The following DLG4 variants were observed in gnomAD, a reference collection of about 807,000 sequenced individuals.
The protein encoded by DLG4 is discs large MAGUK scaffold protein 4, also known as disks large homolog 4.
In DLG4, 7 loss-of-function variants were observed where a neutral mutation model predicts 93.8. The observed-to-expected ratio is 0.07, with a 90% CI of 0.04 to 0.14. DLG4 has a LOEUF of 0.14. DLG4 is among the 10% of genes least tolerant of loss of function. The pLI is 1.00. For synonymous variants in DLG4, 341 were observed against 387.6 expected (o/e 0.88, Z 1.41); for missense variants, 545 against 992.9 (o/e 0.55, Z 6.06).
intron 8 of DLG4, among the ~76,000 whole-genome samples, chr17:7,197,329 A>C (rs2069845507): frequency 6.6e-6 from 1 of 152,012 alleles, no homozygotes; most frequent in African/African-American, 2.4e-5. Flanking sequence ...GGGAGCATTA[A>C]TATTACGCTT....
intron 17 of DLG4, 63 bp downstream of exon 17, chr17:7,192,882 G>C: frequency 6.7e-7 from 1 of 1,499,890 alleles, no homozygotes; most frequent in Admixed American, 2.1e-5. Context: ...GAGAAAGCTG[G>C]AGGGAGGCAG....
At chr17:7,215,304 T>C (rs2070862663) in intron 1 of DLG4, among the ~76,000 whole-genome samples, 1 of 152,194 alleles carries the variant, frequency 6.6e-6, no homozygotes, top group South Asian at 2.1e-4. Context: ...TGCTCAACCC[T>C]GGGCTCCATG....
At position 7,196,259 on chromosome 17, in the gene DLG4, G is replaced by A. The variant is rs747653625; in HGVS notation, c.1262C>T (p.Ala421Val). The change falls in exon 11 of 20, where the codon GCG becomes GTG. Residue 421 changes from alanine to valine, a missense_variant. Ala to Val is a moderately conservative substitution (Grantham distance 64, BLOSUM62 0). Transcript: ENST00000399506. The surrounding 1 kb of genome is among the most constrained non-coding windows in gnomAD (Gnocchi z 8.3). ...LMNSSLGSGT[A>V]SLRSNPKRGF... ...CCTTTTGGGGTTGCTCCGCAGGGAC[G>A]CAGTCCCTGAGCCCAGGCTGCTGTT... The A allele has an allele frequency of 2.0e-5, 33 of 1,613,802 alleles. No homozygotes were observed. The highest frequency in any genetic ancestry group is 2.5e-5 in the Non-Finnish European group (30 of 1,179,822).
intron 1 of DLG4, among the ~76,000 whole-genome samples, chr17:7,213,078 CT>C (rs1196640789): frequency 6.3e-4 from 80 of 127,634 alleles, no homozygotes; most frequent in African/African-American, 2.3e-3. Flanking sequence ...TTTTCCTTTT[CT>C]TTTCTTTCTT....
chr17:7,203,216 G>A lies in DLG4; in HGVS notation c.619C>T (p.Gln207Ter). The A allele has an allele frequency of 6.2e-7, 1 of 1,604,702 alleles. No homozygotes were observed. The highest frequency in any genetic ancestry group is 8.5e-7 in the Non-Finnish European group (1 of 1,172,658). The stretch of plus-strand genomic sequence containing the variant: ...ACCGCCAGGATCTTGTCTCCAATCT[G>A]CAACCTCCCATCCTTGTGGGCAGCA... ...GGAAHKDGRL[Q>*]IGDKILAVNS... The change falls in exon 7 of 20, where the codon CAG (glutamine) becomes TAG (stop). Residue 207 changes from glutamine to a stop codon, truncating the protein, a stop_gained. Coordinates refer to ENST00000399506, the MANE Select transcript of DLG4 (RefSeq NM_001321075.3). LOFTEE classifies it high-confidence loss of function. This position sits in a 1 kb window ranked among gnomAD's most constrained non-coding sequence, Gnocchi z 7.2.
rs529648614 is a variant in DLG4, at chr17:7,212,372, A to G, written c.31-4133T>C. Among the ~76,000 whole-genome samples, 8 of 152,344 alleles carry G rather than the reference A, an allele frequency of 5.3e-5. No individual in the cohort carries two copies. In the South Asian group the frequency reaches 1.7e-3, roughly 32 times the overall value. ...TTGGCCCCCCAAATTAATATATGCT[A>G]AATCATCCCTTTCTATATCACATCT... On this transcript the variant is annotated intron_variant, in intron 1 of 19. Transcript: ENST00000399506.
Position 7,193,721 on chromosome 17 carries a change from G to C in DLG4, c.1544-7C>G. ...AGAACCGAGTCTTCTCGACCTGGTG[G>C]GAGGTGGGGCATCTGCAAGGGGCTC... is the stretch of plus-strand genomic sequence containing the variant. On this transcript the variant is annotated splice_region_variant and splice_polypyrimidine_tract_variant and intron_variant, in intron 14 of 19. Transcript: ENST00000399506. This position sits in a 1 kb window ranked among gnomAD's most constrained non-coding sequence, Gnocchi z 6.7. The C allele has an allele frequency of 6.3e-7, 1 of 1,589,534 alleles. No individual in the cohort carries two copies. The highest frequency in any genetic ancestry group is 8.6e-7 in the Non-Finnish European group (1 of 1,167,042).
rs2069373916 is a variant in DLG4, at chr17:7,189,160, ATAT to A, written c.*1545_*1547del. Among the ~76,000 whole-genome samples the A allele has an allele frequency of 6.7e-6, 1 of 150,138 alleles. No individual in the cohort carries two copies. Among genetic ancestry groups the A allele is most frequent in the Non-Finnish European group, 1.5e-5 (1 of 67,724 alleles). On this transcript the variant is annotated 3_prime_UTR_variant, in exon 20 of 20. Transcript: ENST00000399506. The stretch of plus-strand genomic sequence containing the variant: ...GGGGGCGCATAAAGAAACCTAGCGT[ATAT>A]TCACACAGCAGTTCTTATCAGCAGA...
In DLG4 at chr17:7,191,375, A is replaced by G. The variant is rs751898203; in HGVS notation, c.1977-17T>C. On this transcript the variant is annotated splice_polypyrimidine_tract_variant and intron_variant, in intron 18 of 19. Coordinates refer to ENST00000399506, the MANE Select transcript of DLG4 (RefSeq NM_001321075.3). The surrounding 1 kb of genome is among the most constrained non-coding windows in gnomAD (Gnocchi z 6.6). ...TTAATCTCTCTGTGAAGAGGGAGGGAGAGCAGGCCTGAGACTGGACCCACC... is the reference window on the plus strand; with the variant it reads ...TTAATCTCTCTGTGAAGAGGGAGGGGGAGCAGGCCTGAGACTGGACCCACC... The G allele has an allele frequency of 1.9e-5, 31 of 1,612,026 alleles. No individual in the cohort carries two copies. The highest frequency in any genetic ancestry group is 2.6e-5 in the Non-Finnish European group (31 of 1,178,396).
chr17:7,203,895 G>A lies in DLG4; in HGVS notation c.211-79C>T. 3.8e-6 allele frequency: 6 copies of A among 1,592,958 alleles called. No individual in the cohort carries two copies. Among genetic ancestry groups the A allele is most frequent in the Non-Finnish European group, 5.1e-6 (6 of 1,169,548 alleles). On this transcript the variant is annotated intron_variant, in intron 4 of 19. Transcript: ENST00000399506. The surrounding 1 kb of genome is among the most constrained non-coding windows in gnomAD (Gnocchi z 7.2). ...GGCAAGTGGGGTGGGAAATGGCTTG[G>A]AGCAGCCAGAGGAGGAAGGCACAGG... is the stretch of plus-strand genomic sequence containing the variant.
chr17:7,202,755 T>A, intron 8 of DLG4, 148 bp downstream of exon 8: 1 of 968,512 alleles, frequency 1.0e-6, no homozygotes, highest in Non-Finnish European at 1.5e-6. Context: ...ATTTTCCATC[T>A]CTTCTCCAAC....
chr17:7,216,111 A>G (rs1347696002), intron 1 of DLG4, among the ~76,000 whole-genome samples: 1 of 150,332 alleles, frequency 6.7e-6, no homozygotes, highest in East Asian at 2.0e-4. Flanking sequence ...CTCCTCCTAC[A>G]CCTTTTCACC....
At chr17:7,207,796 GCA>G (rs1425761105) in intron 2 of DLG4, among the ~76,000 whole-genome samples, 4 of 150,572 alleles carry the variant, frequency 2.7e-5, no homozygotes, top group Non-Finnish European at 4.4e-5. Context: ...CACACACACA[GCA>G]CACGCGCACA....
rs370674618 is a variant in DLG4 at position 7,193,848 on chromosome 17, C to T, written c.1539G>A (p.Ser513=). ...KAKDWGSSSG[S]QGREDSVLSY... Reference sequence around the variant, plus strand: ...TCCCGAACTAACCCTACCTACCCTGCGATCCAGAGCTGGAGCCCCAGTCCT... The same window carrying T: ...TCCCGAACTAACCCTACCTACCCTGTGATCCAGAGCTGGAGCCCCAGTCCT... The change falls in exon 14 of 20, where the codon TCG becomes TCA. Residue 513 remains serine, a synonymous_variant. Coordinates refer to ENST00000399506, the MANE Select transcript of DLG4 (RefSeq NM_001321075.3). This position sits in a 1 kb window ranked among gnomAD's most constrained non-coding sequence, Gnocchi z 6.7. 1.4e-5 allele frequency: 23 copies of T among 1,612,664 alleles called. No homozygotes were observed. In the Admixed American group the frequency reaches 2.5e-4, roughly 18 times the overall value.
Position 7,197,049 on chromosome 17 carries a change from T to C in DLG4, c.791A>G (p.Tyr264Cys). ...GATCTCATTGTCCAGGTGCTGGGAA[T>C]AAGCTGAGGAAGACAGGGCAGAGAT... ...SYAPPDITTS[Y>C]SQHLDNEISH... is the part of the protein sequence containing the mutation. Residue 264 changes from tyrosine to cysteine, a missense_variant, in exon 9 of 20, where the codon TAT (tyrosine) becomes TGT (cysteine). Coordinates refer to ENST00000399506, the MANE Select transcript of DLG4 (RefSeq NM_001321075.3). 1 of 1,607,064 alleles carries C rather than the reference T, an allele frequency of 6.2e-7. No individual in the cohort carries two copies. The highest frequency in any genetic ancestry group is 8.5e-7 in the Non-Finnish European group (1 of 1,175,484).
chr17:7,191,735 C>A lies in DLG4; in HGVS notation c.1976+158G>T. On this transcript the variant is annotated intron_variant, in intron 18 of 19. Coordinates refer to ENST00000399506, the MANE Select transcript of DLG4 (RefSeq NM_001321075.3). This position sits in a 1 kb window ranked among gnomAD's most constrained non-coding sequence, Gnocchi z 6.6. ...AAGGCAGGAGAGGAGGGGAAAGACC[C>A]GATTCCCCCACATCCTCTGGGTTCC... 3.4e-6 allele frequency: 2 copies of A among 579,894 alleles called. No homozygotes were observed. The highest frequency in any genetic ancestry group is 6.1e-6 in the Non-Finnish European group (2 of 326,578). The allele number at this position is 579,894 out of a possible 1,614,324, so 35.9% of individuals were successfully genotyped here.
chr17:7,190,630 A>G lies in DLG4; in HGVS notation c.*78T>C. ...GTGGGAGGGAGGCCGGGGGGAGCCA[A>G]GGGCTTGGGCAATTCAGTCCAGACC... is the stretch of plus-strand genomic sequence containing the variant. On this transcript the variant is annotated 3_prime_UTR_variant, in exon 20 of 20. Transcript: ENST00000399506. 9 of 1,196,790 alleles carry G rather than the reference A, an allele frequency of 7.5e-6. No homozygotes were observed. The highest frequency in any genetic ancestry group is 1.1e-5 in the Non-Finnish European group (9 of 802,654). 74.1% of individuals were successfully genotyped at this position (1,196,790 alleles called of 1,614,324 possible). A position where few individuals can be genotyped will look rare whatever the true frequency, so the allele number is the denominator to read the frequency against.
At chr17:7,218,337 CA>C, upstream of DLG4, 1 of 1,554,536 alleles carries the variant, frequency 6.4e-7, no homozygotes, top group Non-Finnish European at 8.8e-7. Context: ...CCAGGCACAT[CA>C]CCCCTGTCAT....
At chr17:7,192,924 C>T (rs764241133) in intron 17 of DLG4, 21 bp downstream of exon 17, 10 of 1,589,278 alleles carry the variant, frequency 6.3e-6, no homozygotes, top group African/African-American at 4.0e-5. Flanking sequence ...GGAAGAGGAC[C>T]GGGTGCCCGC....
Sources: allele counts gnomAD v4.1 joint callset (sites outside exome capture counted in the v4.1 genomes callset), GRCh38; gene constraint gnomAD v4.1.1; non-coding constraint Gnocchi (gnomAD v3.1); transcripts MANE v1.5; gene names NCBI Gene and HGNC (gene_info 2026-07-23, HGNC 2026-07-21).